Variants in ZNF341 observed in about 807,000 individuals in gnomAD.
The protein encoded by ZNF341 is zinc finger protein 341.
In ZNF341, 52 loss-of-function variants were observed where a neutral mutation model predicts 87.7. The observed-to-expected ratio is 0.59, with a 90% CI of 0.47 to 0.75. The LOEUF (loss-of-function observed/expected upper bound fraction) is 0.75, where lower values mean the gene tolerates loss of function less well. Among genes scored for constraint, ZNF341 ranks in the 30% least tolerant of loss-of-function variants. The pLI is 0.00. For missense variants in ZNF341, 977 were observed against 1,145.9 expected, an observed-to-expected ratio of 0.85 and a Z score of 2.13; for synonymous variants, 459 against 472.7, an observed-to-expected ratio of 0.97 and a Z score of 0.38.
At chr20:33,778,250 C>T (rs1279281634) in intron 10 of ZNF341, among the ~76,000 whole-genome samples, 1 of 152,102 alleles carries the variant, frequency 6.6e-6, no homozygotes, top group East Asian at 1.9e-4. Flanking sequence ...CTGCTCCCAC[C>T]CCACCTTCCC....
At chr20:33,761,140 G>A (rs1196231093) in intron 7 of ZNF341, among the ~76,000 whole-genome samples, 1 of 151,952 alleles carries the variant, frequency 6.6e-6, no homozygotes, top group Non-Finnish European at 1.5e-5. Flanking sequence ...AATTACATAC[G>A]TGAGCCACAA....
intron 4 of ZNF341, among the ~76,000 whole-genome samples, chr20:33,749,539 C>A (rs867890814): frequency 6.6e-6 from 1 of 152,092 alleles, no homozygotes; most frequent in South Asian, 2.1e-4. Flanking sequence ...TCAAGTGAGC[C>A]CCCCACCTCA....
chr20:33,754,787 A>G (rs541742736), intron 5 of ZNF341, among the ~76,000 whole-genome samples: 2 of 152,274 alleles, frequency 1.3e-5, no homozygotes, highest in East Asian at 1.9e-4. Flanking sequence ...CCTAGAGTAG[A>G]TATCTTACAT....
chr20:33,740,817 G>A, intron 1 of ZNF341, 85 bp from the exon 2 acceptor site: 7 of 1,288,316 alleles, frequency 5.4e-6, no homozygotes, highest in Non-Finnish European at 7.8e-6. Flanking sequence ...CGCCACAGGG[G>A]TTTTGCCTGG....
rs755218815 is a variant in ZNF341 at position 33,791,537 on chromosome 20, T to C, written c.*20T>C. 1 of 1,528,132 alleles carries C rather than the reference T, an allele frequency of 6.5e-7. No individual in the cohort carries two copies. Among genetic ancestry groups the C allele is most frequent in the Non-Finnish European group, 8.8e-7 (1 of 1,140,884 alleles). 94.7% of individuals were successfully genotyped at this position (1,528,132 alleles called of 1,614,324 possible). A position where few individuals can be genotyped will look rare whatever the true frequency, so the allele number is the denominator to read the frequency against. On this transcript the variant is annotated 3_prime_UTR_variant, in exon 15 of 15. Coordinates refer to ENST00000375200, the MANE Select transcript of ZNF341 (RefSeq NM_001282933.2). ...GAGTGACGGACCTGAGGTGTCTGTT[T>C]CCTGGGCAGGCCTGATGCTCCTGTT...
intron 2 of ZNF341, among the ~76,000 whole-genome samples, chr20:33,743,814 T>G (rs1375637202): frequency 6.6e-6 from 1 of 152,240 alleles, no homozygotes; most frequent in Non-Finnish European, 1.5e-5. Flanking sequence ...TAGTTTTTCA[T>G]TCATTCAACA....
At chr20:33,734,814 T>C (rs1443606736) in intron 1 of ZNF341, among the ~76,000 whole-genome samples, 1 of 152,010 alleles carries the variant, frequency 6.6e-6, no homozygotes, top group Admixed American at 6.6e-5. Context: ...AAGTGATTCT[T>C]GTACCTCAGC....
In ZNF341 at chr20:33,732,059, G is replaced by T. The variant is rs1413936299; in HGVS notation, c.31+7G>T. ...ATCTTTGAGGCCCTGGAGGGTGAGC[G>T]GCGGCGGGGCCGGCGGAGGCGGCTG... On this transcript the variant is annotated splice_region_variant and intron_variant, in intron 1 of 14. Transcript: ENST00000375200. The surrounding 1 kb of genome is among the most constrained non-coding windows in gnomAD (Gnocchi z 4.5). 8.6e-6 allele frequency: 11 copies of T among 1,281,990 alleles called. No individual in the cohort carries two copies. In the African/African-American group the frequency reaches 1.6e-4, roughly 18 times the overall value. 79.4% of individuals were successfully genotyped at this position (1,281,990 alleles called of 1,614,324 possible).
intron 10 of ZNF341, among the ~76,000 whole-genome samples, chr20:33,772,232 C>T (rs2019548528): frequency 6.6e-6 from 1 of 152,062 alleles, no homozygotes; most frequent in Non-Finnish European, 1.5e-5. Flanking sequence ...CCTGCATCAT[C>T]TGGGAGCACC....
chr20:33,750,635 T>TA (rs1568939000), intron 4 of ZNF341, among the ~76,000 whole-genome samples: 1 of 77,164 alleles, frequency 1.3e-5, no homozygotes, highest in Non-Finnish European at 2.4e-5. Flanking sequence ...TGGCTAATTT[T>TA]AAAAAAAAAT....
intron 4 of ZNF341, among the ~76,000 whole-genome samples, chr20:33,752,777 C>A (rs113432444): frequency 6.6e-6 from 1 of 151,648 alleles, no homozygotes; most frequent in African/African-American, 2.4e-5. Context: ...CTCAGCCTCC[C>A]GATAGCTGGG....
chr20:33,751,262 A>C (rs952665839), intron 4 of ZNF341, among the ~76,000 whole-genome samples: 16 of 152,038 alleles, frequency 1.1e-4, no homozygotes, highest in Admixed American at 6.6e-5. Context: ...ATAAATTTCT[A>C]GAAGTTACTG....
chr20:33,777,565 C>T (rs1429261199), intron 10 of ZNF341, among the ~76,000 whole-genome samples: 1 of 147,436 alleles, frequency 6.8e-6, no homozygotes, highest in Non-Finnish European at 1.5e-5. Flanking sequence ...ACCTGGGAGA[C>T]GGAAGTTGCA....
Position 33,766,944 on chromosome 20 carries a change from T to G in ZNF341, c.1316T>G (p.Val439Gly). ...GACAAGCCGGAGTCCAAGCAGGTGG[T>G]CCTCATCGACAGCTCCTACCTGTGC... ...EGDKPESKQVVLIDSSYLCQF... is the reference protein window; with the variant it reads ...EGDKPESKQVGLIDSSYLCQF... The change falls in exon 9 of 15, where the codon GTC (valine) becomes GGC (glycine). Residue 439 changes from valine to glycine, a missense_variant. Physicochemically the swap from Val to Gly is moderately radical, Grantham distance 109 (BLOSUM62 -3). Coordinates refer to ENST00000375200, the MANE Select transcript of ZNF341 (RefSeq NM_001282933.2). The G allele has an allele frequency of 1.2e-6, 2 of 1,614,140 alleles. No individual in the cohort carries two copies. The highest frequency in any genetic ancestry group is 1.7e-6 in the Non-Finnish European group (2 of 1,180,010).
intron 1 of ZNF341, among the ~76,000 whole-genome samples, chr20:33,739,589 AAGAT>A (rs1424498012): frequency 1.3e-5 from 2 of 152,222 alleles, no homozygotes; most frequent in Non-Finnish European, 2.9e-5. Context: ...CAGAACAAAA[AAGAT>A]AGACACACAT....
At chr20:33,757,413 C>T (rs1488369650) in intron 6 of ZNF341, 70 bp downstream of exon 6, 4 of 1,320,270 alleles carry the variant, frequency 3.0e-6, no homozygotes, top group Non-Finnish European at 4.0e-6. Context: ...TGGTTCTGGT[C>T]TTCCCTTTTA....
intron 4 of ZNF341, among the ~76,000 whole-genome samples, chr20:33,750,223 C>T (rs6142013): frequency 7.9e-5 from 12 of 152,258 alleles, no homozygotes; most frequent in African/African-American, 2.4e-4. Context: ...TCTCAAAGTG[C>T]TGGGATTGTA....
intron 12 of ZNF341, among the ~76,000 whole-genome samples, chr20:33,786,027 C>CTTTTTTTTTT (rs11478588): frequency 2.9e-5 from 2 of 68,714 alleles, no homozygotes; most frequent in Non-Finnish European, 5.0e-5. Context: ...ATGTATGAAC[C>CTTTTTTTTTT]TTTTTTTTTT....
intron 9 of ZNF341, among the ~76,000 whole-genome samples, chr20:33,768,615 G>T: frequency 6.6e-6 from 1 of 151,782 alleles, no homozygotes; most frequent in East Asian, 1.9e-4. Context: ...TAGAGATGGG[G>T]TTTCACCATG....
Sources: gnomAD v4.1 joint callset for allele counts (sites outside exome capture counted in the v4.1 genomes callset) on GRCh38, gnomAD v4.1.1 for gene constraint, Gnocchi (gnomAD v3.1) non-coding constraint, MANE v1.5 for transcripts, NCBI Gene and HGNC (gene_info 2026-07-23, HGNC 2026-07-21) for gene names.